SPATS2L: variants seen among roughly 807,000 people sequenced by gnomAD.
SPATS2L encodes SPATS2-like protein.
Under a neutral mutation model 59.6 loss-of-function variants are expected in SPATS2L, and 30 were observed. That is an observed-to-expected ratio of 0.50 (90% CI 0.38 to 0.68). The LOEUF is 0.68. Ranked by LOEUF, SPATS2L falls within the 30% of genes least tolerant of loss-of-function variation. The pLI, the probability that SPATS2L is intolerant of heterozygous loss-of-function variation, is 0.00. For missense variants in SPATS2L, 615 were observed against 700.0 expected (o/e 0.88, Z 1.37); for synonymous variants, 252 against 263.5 (o/e 0.96, Z 0.42).
intron 6 of SPATS2L, among the ~76,000 whole-genome samples, chr2:200,427,706 T>C (rs2083659976): frequency 6.6e-6 from 1 of 152,110 alleles, no homozygotes; most frequent in Non-Finnish European, 1.5e-5. Context: ...AAAGACATTA[T>C]GAGAAGGCAG....
intron 11 of SPATS2L, among the ~76,000 whole-genome samples, chr2:200,470,468 CTGAG>C (rs1403115916): frequency 3.3e-5 from 5 of 152,220 alleles, no homozygotes; most frequent in Non-Finnish European, 7.3e-5. Context: ...GTTCTCTGTG[CTGAG>C]TGAGGCTGCA....
At chr2:200,428,935 A>G (rs956118615) in intron 6 of SPATS2L, among the ~76,000 whole-genome samples, 10 of 152,164 alleles carry the variant, frequency 6.6e-5, no homozygotes, top group African/African-American at 2.2e-4. Flanking sequence ...GCACTGCAGC[A>G]ATAGTCCACT....
At position 200,372,439 on chromosome 2, in the gene SPATS2L, T is replaced by C. The variant is rs560109298; in HGVS notation, c.-22-16784T>C. Among the ~76,000 whole-genome samples the C allele has an allele frequency of 2.4e-4, 37 of 152,142 alleles. 1 individual carries two copies. Among genetic ancestry groups the C allele is most frequent in the African/African-American group, 8.9e-4 (37 of 41,540 alleles). On this transcript the variant is annotated intron_variant, in intron 2 of 12. Transcript: ENST00000409140. ...AAGTTAAGGAATGGATAAGAAAGAA[T>C]GTGGCCCAGGAAAGGGTATTCCATG...
chr2:200,318,141 C>T (rs1353046916), intron 1 of SPATS2L, among the ~76,000 whole-genome samples: 3 of 152,108 alleles, frequency 2.0e-5, no homozygotes, highest in Non-Finnish European at 2.9e-5. Flanking sequence ...CACATACTGC[C>T]CTGATCGACA....
intron 5 of SPATS2L, among the ~76,000 whole-genome samples, 189 bp from the exon 6 acceptor site, chr2:200,419,061 A>G (rs1295913252): frequency 6.6e-6 from 1 of 152,116 alleles, no homozygotes; most frequent in African/African-American, 2.4e-5. Context: ...AGTTTATACA[A>G]CTTACTATAA....
At chr2:200,462,586 G>C (rs943961583) in intron 9 of SPATS2L, among the ~76,000 whole-genome samples, 1 of 152,158 alleles carries the variant, frequency 6.6e-6, no homozygotes, top group Non-Finnish European at 1.5e-5. Context: ...CTAACTGGCT[G>C]TGTGTCCCTG....
intron 6 of SPATS2L, among the ~76,000 whole-genome samples, chr2:200,420,166 T>G (rs1410481113): frequency 6.6e-6 from 1 of 152,186 alleles, no homozygotes; most frequent in Non-Finnish European, 1.5e-5. Context: ...TGTTTGACTT[T>G]GGGCACATCA....
intron 2 of SPATS2L, among the ~76,000 whole-genome samples, chr2:200,341,691 A>ATTTT (rs56132248): frequency 7.1e-6 from 1 of 141,038 alleles, no homozygotes; most frequent in South Asian, 2.3e-4. Context: ...ATTAACTATA[A>ATTTT]TTTTTTTTTT....
In SPATS2L at chr2:200,456,049, T is replaced by C. The variant is rs557180442; in HGVS notation, c.789-3720T>C. On this transcript the variant is annotated intron_variant, in intron 8 of 12. Transcript: ENST00000409140. ...AGGACAGGCTGGCTTTACTACTTCC[T>C]CCACATCCACTTCCCACCATTATTC... is the stretch of plus-strand genomic sequence containing the variant. Among the ~76,000 whole-genome samples the C allele has an allele frequency of 2.3e-4, 35 of 152,272 alleles. 1 individual carries two copies. Among genetic ancestry groups the C allele is most frequent in the African/African-American group, 8.2e-4 (34 of 41,536 alleles).
At chr2:200,420,011 G>A (rs1174318259) in intron 6 of SPATS2L, among the ~76,000 whole-genome samples, 3 of 152,170 alleles carry the variant, frequency 2.0e-5, no homozygotes, top group Admixed American at 6.5e-5. Flanking sequence ...TCTTTAGAAA[G>A]GGCAGACCAA....
At chr2:200,411,451 T>A (rs1422496648) in intron 3 of SPATS2L, among the ~76,000 whole-genome samples, 1 of 149,816 alleles carries the variant, frequency 6.7e-6, no homozygotes, top group Non-Finnish European at 1.5e-5. Context: ...GCTTTAATGA[T>A]CACTTACCTT....
chr2:200,381,278 C>T (rs2081802327), intron 2 of SPATS2L, among the ~76,000 whole-genome samples: 1 of 152,178 alleles, frequency 6.6e-6, no homozygotes, highest in Non-Finnish European at 1.5e-5. Context: ...TACTACTGTA[C>T]ATCATTGGAG....
intron 9 of SPATS2L, among the ~76,000 whole-genome samples, chr2:200,462,092 C>T (rs756687146): frequency 6.6e-6 from 1 of 152,244 alleles, no homozygotes; most frequent in Non-Finnish European, 1.5e-5. Context: ...ATTTTCCCTA[C>T]TTCTCAAGTA....
rs2106010619 is a variant in SPATS2L at position 200,419,314 on chromosome 2, T to C, written c.263T>C (p.Val88Ala). The change falls in exon 6 of 13, where the codon GTG (valine) becomes GCG (alanine). Residue 88 changes from valine (V) to alanine (A), a missense_variant. By Grantham distance (64) the Val-to-Ala change is moderately conservative. Around this residue, in one of 3 missense-constraint regions of SPATS2L, gnomAD observed 227 missense variants for 257.4 expected, o/e 0.88. Coordinates refer to ENST00000409140, the MANE Select transcript of SPATS2L (RefSeq NM_001100423.2). The stretch of plus-strand genomic sequence containing the variant: ...GGCAACAAAGATGCTAAAGACAAGG[T>C]GGAGAGGCCTGAGGCAGGGCCCCTG... ...HQGNKDAKDKVERPEAGPLQP... is the reference protein window; with the variant it reads ...HQGNKDAKDKAERPEAGPLQP... 1 of 1,606,440 alleles carries C rather than the reference T, an allele frequency of 6.2e-7. No homozygotes were observed. Among genetic ancestry groups the C allele is most frequent in the East Asian group, 2.2e-5 (1 of 44,522 alleles).
At chr2:200,382,895 T>C (rs369950554) in intron 2 of SPATS2L, among the ~76,000 whole-genome samples, 1 of 152,356 alleles carries the variant, frequency 6.6e-6, no homozygotes, top group African/African-American at 2.4e-5. Context: ...ACGACGTAAT[T>C]TGTAGGAAAC....
At chr2:200,419,050 A>G (rs2083195533) in intron 5 of SPATS2L, among the ~76,000 whole-genome samples, 200 bp from the exon 6 acceptor site, 1 of 152,082 alleles carries the variant, frequency 6.6e-6, no homozygotes, top group Non-Finnish European at 1.5e-5. Flanking sequence ...TATGAGGTGA[A>G]AGTTTATACA....
chr2:200,359,446 A>G (rs2081026869), intron 2 of SPATS2L, among the ~76,000 whole-genome samples: 1 of 152,168 alleles, frequency 6.6e-6, no homozygotes, highest in Non-Finnish European at 1.5e-5. Context: ...ATGGTTCCAT[A>G]TTTCATTCTA....
intron 1 of SPATS2L, among the ~76,000 whole-genome samples, chr2:200,317,766 G>A (rs1294414459): frequency 1.3e-5 from 2 of 152,328 alleles, no homozygotes; most frequent in Middle Eastern, 3.4e-3. Context: ...TCTCTGAATA[G>A]TCAGGTGCAC....
At position 200,481,516 on chromosome 2, in the gene SPATS2L, C is replaced by T. The variant is rs984666501; in HGVS notation, c.*3485C>T. ...ACCAGATAGGGAGATGCCTGAATTT[C>T]AGGCTACCTTTGACAAAGCTTTCTT... On this transcript the variant is annotated 3_prime_UTR_variant, in exon 13 of 13. Coordinates refer to ENST00000409140, the MANE Select transcript of SPATS2L (RefSeq NM_001100423.2). The T allele has an allele frequency of 6.6e-6, 1 of 152,294 alleles. No individual in the cohort carries two copies. Among genetic ancestry groups the T allele is most frequent in the Non-Finnish European group, 1.5e-5 (1 of 68,058 alleles). The allele number at this position is 152,294 out of a possible 1,614,324, so 9.4% of individuals were successfully genotyped here. A position where few individuals can be genotyped will look rare whatever the true frequency, so the allele number is the denominator to read the frequency against.
Sources: allele counts gnomAD v4.1 joint callset (sites outside exome capture counted in the v4.1 genomes callset), GRCh38; gene constraint gnomAD v4.1.1; regional missense constraint gnomAD v4.1.1; transcripts MANE v1.5; gene names NCBI Gene and HGNC (gene_info 2026-07-23, HGNC 2026-07-21).